The following APBB1IP variants were observed in gnomAD, a reference collection of about 807,000 sequenced individuals.
APBB1IP encodes the protein amyloid beta A4 precursor protein-binding family B member 1-interacting protein.
A neutral mutation model predicts 64.9 loss-of-function variants in APBB1IP; 27 were observed. The ratio of observed to expected loss-of-function variants is 0.42; its 90% CI spans 0.31 to 0.57. The LOEUF is 0.57. Among genes scored for constraint, APBB1IP ranks in the 20% least tolerant of loss-of-function variants. APBB1IP has a pLI of 0.20. For missense variants in APBB1IP, 812 were observed against 845.5 expected (o/e 0.96, Z 0.49); for synonymous variants, 392 against 331.0 (o/e 1.18, Z -2.00).
intron 11 of APBB1IP, among the ~76,000 whole-genome samples, chr10:26,547,732 A>C (rs543226755): frequency 6.6e-6 from 1 of 152,306 alleles, no homozygotes; most frequent in Non-Finnish European, 1.5e-5. Context: ...GGCATGAGCC[A>C]CTGCGCCCGG....
intron 6 of APBB1IP, among the ~76,000 whole-genome samples, chr10:26,505,834 C>T (rs1255349495): frequency 6.6e-6 from 1 of 152,152 alleles, no homozygotes; most frequent in African/African-American, 2.4e-5. Flanking sequence ...TCTTGGGCTG[C>T]AGTCTCTCTT....
intron 2 of APBB1IP, among the ~76,000 whole-genome samples, chr10:26,462,501 A>T (rs1835604837): frequency 6.6e-6 from 1 of 152,234 alleles, no homozygotes; most frequent in South Asian, 2.1e-4. Flanking sequence ...TGAGATGATC[A>T]TATAGTATCT....
chr10:26,485,074 T>G (rs1285980689), intron 2 of APBB1IP, among the ~76,000 whole-genome samples: 1 of 152,212 alleles, frequency 6.6e-6, no homozygotes, highest in Admixed American at 6.5e-5. Flanking sequence ...GAAAACTGAT[T>G]CAGGCCTAAA....
At chr10:26,550,720 CAGA>C (rs1399584685) in intron 11 of APBB1IP, among the ~76,000 whole-genome samples, 5 of 152,102 alleles carry the variant, frequency 3.3e-5, no homozygotes, top group Non-Finnish European at 7.3e-5. Flanking sequence ...CTTTGTCTGC[CAGA>C]TAGCTGGCAC....
At chr10:26,486,279 T>G (rs1835890178) in intron 2 of APBB1IP, among the ~76,000 whole-genome samples, 1 of 151,872 alleles carries the variant, frequency 6.6e-6, no homozygotes. Context: ...TGAATATTGA[T>G]GGGGAGTCTG....
chr10:26,453,320 A>C (rs1835485407), intron 2 of APBB1IP, among the ~76,000 whole-genome samples: 1 of 152,178 alleles, frequency 6.6e-6, no homozygotes, highest in African/African-American at 2.4e-5. Flanking sequence ...GCAAGGTTTA[A>C]TGAGAAGAAG....
chr10:26,562,995 T>G (rs1370031669), intron 14 of APBB1IP, among the ~76,000 whole-genome samples: 2 of 152,200 alleles, frequency 1.3e-5, no homozygotes, highest in Admixed American at 6.5e-5. Context: ...GTTAATTAGC[T>G]ATGTTTACTT....
At chr10:26,535,420 ATC>A (rs1836608118) in intron 9 of APBB1IP, among the ~76,000 whole-genome samples, 1 of 152,162 alleles carries the variant, frequency 6.6e-6, no homozygotes, top group African/African-American at 2.4e-5. Flanking sequence ...AGAATTGGGT[ATC>A]CATCCTCTCA....
chr10:26,447,310 G>A (rs1321822838), intron 2 of APBB1IP, among the ~76,000 whole-genome samples: 1 of 142,268 alleles, frequency 7.0e-6, no homozygotes, highest in Non-Finnish European at 1.5e-5. Flanking sequence ...AGGAAGCGGA[G>A]TTTGCAGTGA....
intron 2 of APBB1IP, among the ~76,000 whole-genome samples, chr10:26,475,029 C>T (rs977022817): frequency 2.6e-5 from 4 of 152,218 alleles, no homozygotes; most frequent in African/African-American, 9.6e-5. Flanking sequence ...AGACACCTCC[C>T]TCCTTTGAGA....
chr10:26,506,248 T>G (rs1446741545), intron 6 of APBB1IP, among the ~76,000 whole-genome samples: 11 of 30,828 alleles, frequency 3.6e-4, no homozygotes, highest in East Asian at 5.5e-3. Context: ...ACCGTGTGTG[T>G]GTGGGGGGGG....
At chr10:26,511,651 G>T in intron 6 of APBB1IP, 96 bp from the exon 7 acceptor site, 1 of 1,433,076 alleles carries the variant, frequency 7.0e-7, no homozygotes, top group Non-Finnish European at 9.6e-7. Context: ...CATTCTTACA[G>T]AAATTTGCAG....
intron 2 of APBB1IP, among the ~76,000 whole-genome samples, chr10:26,480,959 A>T (rs1007141596): frequency 6.6e-6 from 1 of 152,136 alleles, no homozygotes; most frequent in Non-Finnish European, 1.5e-5. Context: ...AGTATTTTCT[A>T]TTTGTATCTC....
chr10:26,536,919 G>A (rs1272596882), intron 10 of APBB1IP, among the ~76,000 whole-genome samples: 2 of 151,806 alleles, frequency 1.3e-5, no homozygotes, highest in African/African-American at 4.8e-5. Context: ...CTCTTGACTA[G>A]ATTTTCCTTG....
intron 3 of APBB1IP, among the ~76,000 whole-genome samples, chr10:26,495,995 A>AT (rs1383312421): frequency 1.1e-4 from 16 of 144,302 alleles, no homozygotes; most frequent in Admixed American, 9.3e-4. Context: ...TATATATTAT[A>AT]TATATATAGT....
chr10:26,541,450 T>C (rs1169186348), intron 10 of APBB1IP, 132 bp from the exon 11 acceptor site: 19 of 685,236 alleles, frequency 2.8e-5, no homozygotes, highest in Non-Finnish European at 4.2e-5. Context: ...ATGGCAGATG[T>C]TTATATAAAT....
chr10:26,461,788 C>T (rs1043838087), intron 2 of APBB1IP, among the ~76,000 whole-genome samples: 5 of 152,036 alleles, frequency 3.3e-5, no homozygotes, highest in Admixed American at 2.6e-4. Flanking sequence ...CTTGAATTGA[C>T]AAATTGCTTA....
chr10:26,497,982 C>T (rs565748555), intron 4 of APBB1IP, among the ~76,000 whole-genome samples: 33 of 152,204 alleles, frequency 2.2e-4, no homozygotes, highest in African/African-American at 7.9e-4. Context: ...CTGTTTCAGC[C>T]TCCCAAAGTG....
chr10:26,538,094 G>A (rs961974041), intron 10 of APBB1IP, among the ~76,000 whole-genome samples: 2 of 152,148 alleles, frequency 1.3e-5, no homozygotes, highest in Admixed American at 6.5e-5. Flanking sequence ...ATTTTTCACA[G>A]TGTTGTCTAT....
Sources: gnomAD v4.1 joint callset for allele counts (sites outside exome capture counted in the v4.1 genomes callset) on GRCh38, gnomAD v4.1.1 for gene constraint, MANE v1.5 for transcripts, NCBI Gene and HGNC (gene_info 2026-07-23, HGNC 2026-07-21) for gene names.